The following EPHA5 variants were observed in gnomAD, a reference collection of about 807,000 sequenced individuals.
EPHA5 encodes the protein EPH receptor A5, also known as ephrin type-A receptor 5.
In EPHA5, 60 loss-of-function variants were observed where a neutral mutation model predicts 105.0. The ratio of observed to expected loss-of-function variants is 0.57; its 90% confidence interval spans 0.46 to 0.71. The LOEUF is 0.71. Among genes scored for constraint, EPHA5 ranks in the 30% least tolerant of loss-of-function variants. The pLI is 0.00. For missense variants in EPHA5, 1,218 were observed against 1,274.7 expected, an observed-to-expected ratio of 0.96 and a Z score of 0.68; for synonymous variants, 513 against 449.1, an observed-to-expected ratio of 1.14 and a Z score of -1.80.
At chr4:65,640,816 T>C (rs1747598305) in intron 2 of EPHA5, among the ~76,000 whole-genome samples, 1 of 152,130 alleles carries the variant, frequency 6.6e-6, no homozygotes, top group South Asian at 2.1e-4. Context: ...ACTTACATCC[T>C]TGGGCATGTA....
chr4:65,463,362 G>A (rs899049348), intron 5 of EPHA5, among the ~76,000 whole-genome samples: 5 of 152,118 alleles, frequency 3.3e-5, no homozygotes, highest in African/African-American at 1.2e-4. Flanking sequence ...TATCAGTGAA[G>A]TAAATCATTT....
At chr4:65,529,290 T>G (rs1286669316) in intron 3 of EPHA5, among the ~76,000 whole-genome samples, 1 of 152,132 alleles carries the variant, frequency 6.6e-6, no homozygotes, top group African/African-American at 2.4e-5. Flanking sequence ...AAAGCCTAAT[T>G]TTTGCATCAT....
At chr4:65,648,281 T>C (rs1320501484) in intron 1 of EPHA5, among the ~76,000 whole-genome samples, 1 of 152,248 alleles carries the variant, frequency 6.6e-6, no homozygotes, top group Non-Finnish European at 1.5e-5. Context: ...ACTTGTTCTG[T>C]ATCACTTTGA....
chr4:65,379,510 T>C (rs146215293), intron 8 of EPHA5, among the ~76,000 whole-genome samples: 2 of 151,862 alleles, frequency 1.3e-5, no homozygotes, highest in African/African-American at 4.8e-5. Context: ...TTGACAGCTA[T>C]AAAATAGTGA....
intron 3 of EPHA5, among the ~76,000 whole-genome samples, chr4:65,552,886 C>T (rs1298663448): frequency 6.6e-6 from 1 of 151,932 alleles, no homozygotes; most frequent in African/African-American, 2.4e-5. Context: ...AGCAATATGA[C>T]ATCAATATAG....
chr4:65,355,858 A>G (rs1723249834), intron 11 of EPHA5, among the ~76,000 whole-genome samples: 1 of 151,570 alleles, frequency 6.6e-6, no homozygotes, highest in African/African-American at 2.4e-5. Flanking sequence ...TATGTACCTG[A>G]CAAAGATCAG....
intron 11 of EPHA5, among the ~76,000 whole-genome samples, chr4:65,356,502 G>A (rs370667851): frequency 5.3e-5 from 8 of 151,436 alleles, no homozygotes; most frequent in African/African-American, 1.9e-4. Flanking sequence ...AAAGGGAGAT[G>A]GGCACCTGGT....
intron 3 of EPHA5, among the ~76,000 whole-genome samples, chr4:65,566,539 T>C (rs1159886309): frequency 6.6e-6 from 1 of 151,818 alleles, no homozygotes; most frequent in Non-Finnish European, 1.5e-5. Context: ...TTCTTTATTC[T>C]TCCTTTCTTT....
intron 8 of EPHA5, among the ~76,000 whole-genome samples, chr4:65,397,816 G>GA (rs1721396593): frequency 6.6e-6 from 1 of 152,034 alleles, no homozygotes; most frequent in Admixed American, 6.5e-5. Flanking sequence ...GTTTTCCCCA[G>GA]AAAAATGCCC....
At chr4:65,414,158 G>GA in intron 7 of EPHA5, 126 bp downstream of exon 7, 1 of 819,284 alleles carries the variant, frequency 1.2e-6, no homozygotes, top group Non-Finnish European at 2.0e-6. Flanking sequence ...TACCTGAAGG[G>GA]GTCATGCCTG....
At chr4:65,641,379 C>T (rs941343658) in intron 2 of EPHA5, among the ~76,000 whole-genome samples, 2 of 151,948 alleles carry the variant, frequency 1.3e-5, no homozygotes, top group Admixed American at 6.6e-5. Flanking sequence ...TTGACTCGAA[C>T]ATTTTTTTTC....
At chr4:65,415,077 G>T (rs1723264676) in intron 6 of EPHA5, among the ~76,000 whole-genome samples, 2 of 152,054 alleles carry the variant, frequency 1.3e-5, no homozygotes, top group Admixed American at 1.3e-4. Flanking sequence ...GATGTACTAG[G>T]AAAAAAATTA....
At chr4:65,614,648 T>G (rs976308511) in intron 2 of EPHA5, among the ~76,000 whole-genome samples, 27 of 151,988 alleles carry the variant, frequency 1.8e-4, no homozygotes, top group African/African-American at 5.3e-4. Flanking sequence ...AGGCTAATGC[T>G]TCATACATTT....
chr4:65,331,805 A>AG, intron 16 of EPHA5, 168 bp downstream of exon 16: 1 of 1,288,270 alleles, frequency 7.8e-7, no homozygotes, highest in Non-Finnish European at 9.8e-7. Flanking sequence ...CACATGTAGC[A>AG]TTAACCATGC....
intron 2 of EPHA5, among the ~76,000 whole-genome samples, chr4:65,607,860 C>T (rs1473004968): frequency 2.0e-5 from 3 of 152,140 alleles, no homozygotes; most frequent in Non-Finnish European, 4.4e-5. Flanking sequence ...CTAAATCATT[C>T]TATTATAAAG....
At chr4:65,508,742 A>G in intron 3 of EPHA5, among the ~76,000 whole-genome samples, 1 of 152,202 alleles carries the variant, frequency 6.6e-6, no homozygotes, top group South Asian at 2.1e-4. Context: ...TTGACAATGC[A>G]GTTTTTTTTA....
intron 5 of EPHA5, among the ~76,000 whole-genome samples, chr4:65,453,661 A>T (rs898867797): frequency 2.0e-5 from 3 of 152,160 alleles, no homozygotes; most frequent in African/African-American, 7.2e-5. Flanking sequence ...TCCAGTAAAC[A>T]CACCGCACAT....
intron 5 of EPHA5, among the ~76,000 whole-genome samples, chr4:65,472,567 G>A (rs1338302969): frequency 6.6e-6 from 1 of 152,168 alleles, no homozygotes; most frequent in African/African-American, 2.4e-5. Flanking sequence ...CTGTGCACCT[G>A]CAGGCCCACC....
Position 65,324,061 on chromosome 4 carries a change from G to T in EPHA5, c.*53C>A. 8.6e-7 allele frequency: 1 copy of T among 1,161,574 alleles called. No homozygotes were observed. Among genetic ancestry groups the T allele is most frequent in the Non-Finnish European group, 1.3e-6 (1 of 777,104 alleles). The allele number at this position is 1,161,574 out of a possible 1,614,324, so 72.0% of individuals were successfully genotyped here. ...TTTTTTTGTTAAAATAAATCTCAGT[G>T]CTGTTTACAAAGTGCAGAATCATTC... On this transcript the variant is annotated 3_prime_UTR_variant, in exon 17 of 17. Coordinates refer to ENST00000613740, the MANE Select transcript of EPHA5 (RefSeq NM_001281766.3).
Sources: gnomAD v4.1 joint callset for allele counts (sites outside exome capture counted in the v4.1 genomes callset) on GRCh38, gnomAD v4.1.1 for gene constraint, MANE v1.5 for transcripts, NCBI Gene and HGNC (gene_info 2026-07-23, HGNC 2026-07-21) for gene names.